Variants in HS3ST2 observed in about 807,000 individuals in gnomAD.
The protein encoded by HS3ST2 is heparan sulfate glucosamine 3-O-sulfotransferase 2.
HS3ST2 carries 17 observed loss-of-function variants against 26.3 expected under a neutral mutation model. That is an observed-to-expected ratio of 0.65 (90% CI 0.44 to 0.97). HS3ST2 has a LOEUF of 0.97. Among genes scored for constraint, HS3ST2 ranks in the 50% least tolerant of loss-of-function variants. The pLI is 0.00. For missense variants in HS3ST2, 402 were observed against 501.2 expected (o/e 0.80, Z 1.89); for synonymous variants, 237 against 219.2 (o/e 1.08, Z -0.72).
At chr16:22,892,110 TA>T (rs55853160) in intron 1 of HS3ST2, among the ~76,000 whole-genome samples, 52,301 of 113,614 alleles carry the variant, frequency 0.46, 10,955 homozygotes, top group Admixed American at 0.55. Context: ...CCATCTCTAC[TA>T]AAAAAAAAAA....
chr16:22,846,302 A>T (rs1042031174), intron 1 of HS3ST2, among the ~76,000 whole-genome samples: 1 of 151,528 alleles, frequency 6.6e-6, no homozygotes, highest in Non-Finnish European at 1.5e-5. Flanking sequence ...ATATATGTAT[A>T]TTTGTGTGTG....
intron 1 of HS3ST2, among the ~76,000 whole-genome samples, chr16:22,906,367 C>CTAAATAAATAAA (rs55897973): frequency 0.036 from 5,156 of 144,058 alleles, 129 homozygotes; most frequent in East Asian, 0.056. Context: ...GAGACTCCAT[C>CTAAATAAATAAA]TAAATAAATA....
chr16:22,846,540 C>T (rs1273712444), intron 1 of HS3ST2, among the ~76,000 whole-genome samples: 3 of 152,090 alleles, frequency 2.0e-5, no homozygotes, highest in South Asian at 2.1e-4. Flanking sequence ...TGGATGTTTA[C>T]GTGAACTCCT....
intron 1 of HS3ST2, among the ~76,000 whole-genome samples, chr16:22,852,186 G>A (rs1285158218): frequency 6.6e-6 from 1 of 152,202 alleles, no homozygotes; most frequent in Non-Finnish European, 1.5e-5. Flanking sequence ...GAGCAGGACA[G>A]CCCCCATCTT....
intron 1 of HS3ST2, among the ~76,000 whole-genome samples, chr16:22,864,061 A>C (rs1383102928): frequency 6.6e-6 from 1 of 152,248 alleles, no homozygotes; most frequent in Non-Finnish European, 1.5e-5. Flanking sequence ...TGGCTCCTGC[A>C]GCATGTAAAC....
At chr16:22,885,947 A>G (rs1902053348) in intron 1 of HS3ST2, among the ~76,000 whole-genome samples, 1 of 152,164 alleles carries the variant, frequency 6.6e-6, no homozygotes, top group Admixed American at 6.5e-5. Context: ...GGGTCAGGCC[A>G]TCAGAAATCA....
chr16:22,872,044 A>T (rs896221611), intron 1 of HS3ST2, among the ~76,000 whole-genome samples: 1 of 152,202 alleles, frequency 6.6e-6, no homozygotes, highest in African/African-American at 2.4e-5. Context: ...GATGGAAATG[A>T]GATCTGTATA....
At chr16:22,818,149 C>A (rs551451397) in intron 1 of HS3ST2, among the ~76,000 whole-genome samples, 1 of 152,318 alleles carries the variant, frequency 6.6e-6, no homozygotes, top group East Asian at 1.9e-4. Flanking sequence ...TTCTCCCCCA[C>A]CCACATTTCC....
intron 1 of HS3ST2, among the ~76,000 whole-genome samples, chr16:22,867,794 G>C (rs936083543): frequency 1.3e-5 from 2 of 152,010 alleles, no homozygotes; most frequent in Non-Finnish European, 2.9e-5. Flanking sequence ...TCACATCCAG[G>C]GTATGTTTTT....
At chr16:22,890,165 A>C (rs1424717119) in intron 1 of HS3ST2, among the ~76,000 whole-genome samples, 1 of 152,234 alleles carries the variant, frequency 6.6e-6, no homozygotes, top group Non-Finnish European at 1.5e-5. Context: ...GCTTGGAGTT[A>C]ACTAATAATT....
chr16:22,814,881 G>T lies in HS3ST2; in HGVS notation c.271G>T (p.Ala91Ser), dbSNP rs761370570. The change falls in exon 1 of 2, where the codon GCC (alanine) becomes TCC (serine). Residue 91 changes from alanine (A) to serine (S), a missense_variant. By Grantham distance (99) the Ala-to-Ser change is moderately conservative (BLOSUM62 1). Around this residue, in one of 2 missense-constraint regions of HS3ST2, gnomAD observed 165 missense variants for 154.6 expected, o/e 1.07. Coordinates refer to ENST00000261374, the MANE Select transcript of HS3ST2 (RefSeq NM_006043.2). ...SEPSAPSAPA[A>S]AVPAPRLSGS... is the part of the protein sequence containing the mutation. ...GCCCAGCGCTCCCAGCGCGCCCGCCGCCGCCGTGCCCGCCCCTCGCCTCTC... is the reference window on the plus strand; with the variant it reads ...GCCCAGCGCTCCCAGCGCGCCCGCCTCCGCCGTGCCCGCCCCTCGCCTCTC... The T allele has an allele frequency of 6.4e-6, 10 of 1,560,060 alleles. No homozygotes were observed. In the Admixed American group the frequency reaches 1.9e-4, roughly 30 times the overall value.
rs562214750 is a variant in HS3ST2 at position 22,914,257 on chromosome 16, A to C, written c.486-687A>C. Among the ~76,000 whole-genome samples the C allele has an allele frequency of 5.9e-5, 9 of 152,192 alleles. No individual in the cohort carries two copies. In the East Asian group the frequency reaches 1.2e-3, roughly 20 times the overall value. On this transcript the variant is annotated intron_variant, in intron 1 of 1. Transcript: ENST00000261374. The stretch of plus-strand genomic sequence containing the variant: ...TGGTAACTTATTTATCCTTCTTAAG[A>C]TATACAAGCTGTATCTTGCCTGTTT...
chr16:22,849,663 A>AAAGGAG (rs1366857873), intron 1 of HS3ST2, among the ~76,000 whole-genome samples: 1 of 152,208 alleles, frequency 6.6e-6, no homozygotes, highest in Non-Finnish European at 1.5e-5. Flanking sequence ...AAGAAAAGGA[A>AAAGGAG]TGGAGTAAAT....
chr16:22,828,019 A>G (rs1347326512), intron 1 of HS3ST2, among the ~76,000 whole-genome samples: 2 of 152,008 alleles, frequency 1.3e-5, no homozygotes, highest in Admixed American at 1.3e-4. Flanking sequence ...AGTTCCTACT[A>G]AGGACTTGCT....
At chr16:22,880,424 G>A (rs1901972678) in intron 1 of HS3ST2, among the ~76,000 whole-genome samples, 1 of 151,938 alleles carries the variant, frequency 6.6e-6, no homozygotes, top group African/African-American at 2.4e-5. Context: ...CTCTAAAAAT[G>A]AAATAAAGTT....
chr16:22,816,355 CT>C (rs1567477513), intron 1 of HS3ST2, among the ~76,000 whole-genome samples: 1 of 152,208 alleles, frequency 6.6e-6, no homozygotes. Flanking sequence ...CAAGGGACAA[CT>C]TTGTTAGAAA....
intron 1 of HS3ST2, among the ~76,000 whole-genome samples, chr16:22,892,040 C>T (rs542118213): frequency 2.7e-5 from 4 of 150,472 alleles, no homozygotes; most frequent in Non-Finnish European, 5.9e-5. Flanking sequence ...TTTGGGAGGC[C>T]GAGGCAGGTG....
chr16:22,831,718 A>G (rs1305484347), intron 1 of HS3ST2, among the ~76,000 whole-genome samples: 4 of 152,102 alleles, frequency 2.6e-5, no homozygotes, highest in Non-Finnish European at 5.9e-5. Flanking sequence ...TATGCACTGT[A>G]TGTTTCCTTT....
intron 1 of HS3ST2, among the ~76,000 whole-genome samples, chr16:22,823,273 T>C (rs1370333517): frequency 6.6e-6 from 1 of 152,190 alleles, no homozygotes; most frequent in Non-Finnish European, 1.5e-5. Context: ...AAGAGGATAC[T>C]AGGGGACACT....
Sources: gnomAD v4.1 joint callset for allele counts (sites outside exome capture counted in the v4.1 genomes callset) on GRCh38, gnomAD v4.1.1 for gene constraint, gnomAD v4.1.1 regional missense constraint, MANE v1.5 for transcripts, NCBI Gene and HGNC (gene_info 2026-07-23, HGNC 2026-07-21) for gene names.